Variants in SNRPN observed in about 807,000 individuals in gnomAD.
SNRPN encodes small nuclear ribonucleoprotein polypeptide N.
In SNRPN, 7 loss-of-function variants were observed where a neutral mutation model predicts 25.2. That is an observed-to-expected ratio of 0.28 (90% CI 0.16 to 0.52). The LOEUF (loss-of-function observed/expected upper bound fraction) is 0.52, where lower values mean the gene tolerates loss of function less well. Ranked by LOEUF, SNRPN falls within the 20% of genes least tolerant of loss-of-function variation. The pLI is 0.96. For missense variants in SNRPN, 196 were observed against 322.5 expected (o/e 0.61, Z 3.00); for synonymous variants, 124 against 110.6 (o/e 1.12, Z -0.76).
chr15:24,925,615 T>A (rs1225748169), intron 3 of SNRPN, among the ~76,000 whole-genome samples: 7 of 152,144 alleles, frequency 4.6e-5, no homozygotes, highest in Non-Finnish European at 1.0e-4. Flanking sequence ...TTGTTGTTGT[T>A]TAATTAAAAG....
intron 1 of SNRPN, among the ~76,000 whole-genome samples, chr15:24,867,376 G>T (rs1385977907): frequency 3.8e-5 from 5 of 131,490 alleles, no homozygotes; most frequent in Admixed American, 8.0e-5. Context: ...ATTTAAATAA[G>T]TTTTTTTTTT....
intron 2 of SNRPN, among the ~76,000 whole-genome samples, chr15:24,916,238 G>A (rs2059513642): frequency 6.6e-6 from 1 of 152,138 alleles, no homozygotes; most frequent in African/African-American, 2.4e-5. Context: ...GGGATTACAG[G>A]CGTGAGCCAC....
At chr15:24,935,167 G>C (rs568959195) in intron 3 of SNRPN, among the ~76,000 whole-genome samples, 1 of 152,124 alleles carries the variant, frequency 6.6e-6, no homozygotes, top group South Asian at 2.1e-4. Flanking sequence ...AGCTACTCGT[G>C]AGGCTGAGGC....
chr15:24,875,115 A>C (rs1322400760), intron 1 of SNRPN, among the ~76,000 whole-genome samples: 13 of 152,212 alleles, frequency 8.5e-5, no homozygotes, highest in Admixed American at 8.5e-4. Context: ...AATTCCTTAG[A>C]AAACACTGTA....
At chr15:24,915,515 A>G (rs922233792) in intron 2 of SNRPN, among the ~76,000 whole-genome samples, 2 of 152,072 alleles carry the variant, frequency 1.3e-5, no homozygotes, top group Non-Finnish European at 2.9e-5. Context: ...GCCTGAGTAA[A>G]TTTTGGTTAA....
intron 2 of SNRPN, among the ~76,000 whole-genome samples, chr15:24,963,217 T>C (rs2075113082): frequency 1.3e-5 from 2 of 152,250 alleles, no homozygotes; most frequent in African/African-American, 4.8e-5. Context: ...TTTTACAAAG[T>C]GTGCGTGGTG....
chr15:24,902,818 T>A (rs2058550034), intron 2 of SNRPN, among the ~76,000 whole-genome samples: 1 of 152,198 alleles, frequency 6.6e-6, no homozygotes. Flanking sequence ...AAAGGTAGTG[T>A]GGACCCAAAG....
intron 5 of SNRPN, among the ~76,000 whole-genome samples, 195 bp downstream of exon 5, chr15:24,975,704 AC>A (rs2076981929): frequency 6.6e-6 from 1 of 152,212 alleles, no homozygotes; most frequent in East Asian, 1.9e-4. Context: ...AGTTTGTAAA[AC>A]AATCATGGAT....
intron 2 of SNRPN, among the ~76,000 whole-genome samples, chr15:24,963,243 T>G (rs1352005360): frequency 4.6e-5 from 7 of 152,234 alleles, no homozygotes; most frequent in Non-Finnish European, 1.0e-4. Context: ...ACATTATTAT[T>G]GTAATCGTTA....
At chr15:24,909,693 A>G (rs1435116938) in intron 2 of SNRPN, 1 of 1,235,268 alleles carries the variant, frequency 8.1e-7, no homozygotes, top group Non-Finnish European at 1.2e-6. Context: ...AGTGTGTTGT[A>G]TTTATTTTTA....
intron 3 of SNRPN, among the ~76,000 whole-genome samples, chr15:24,969,788 C>A (rs1183311327): frequency 6.6e-6 from 1 of 152,116 alleles, no homozygotes; most frequent in African/African-American, 2.4e-5. Context: ...TACTAGTATT[C>A]CTGTAGAAGA....
chr15:24,961,091 C>T (rs2074725090), intron 1 of SNRPN, among the ~76,000 whole-genome samples: 1 of 151,904 alleles, frequency 6.6e-6, no homozygotes, highest in African/African-American at 2.4e-5. Flanking sequence ...TGATGAAGTC[C>T]ACTTTATTTT....
Position 24,929,752 on chromosome 15 carries a change from G to A in SNRPN, c.-391+9628G>A, listed in dbSNP as rs1396417317. On this transcript the variant is annotated intron_variant, in intron 3 of 11. Transcript: ENST00000400097. This position sits in a 1 kb window ranked among gnomAD's most constrained non-coding sequence, Gnocchi z 5.3. ...TGAATGGTAGACAGCATGAGAGCAG[G>A]GTCCATGTGATGATTTTTCTGTCAG... Among the ~76,000 whole-genome samples, 1 of 152,002 alleles carries A rather than the reference G, an allele frequency of 6.6e-6. No homozygotes were observed. Among genetic ancestry groups the A allele is most frequent in the East Asian group, 1.9e-4 (1 of 5,184 alleles).
chr15:24,915,936 C>T (rs1264017772), intron 2 of SNRPN, among the ~76,000 whole-genome samples: 1 of 149,538 alleles, frequency 6.7e-6, no homozygotes. Flanking sequence ...TGATTATATA[C>T]ACACATTGTG....
At chr15:24,967,734 G>A (rs1218282099) in intron 2 of SNRPN, among the ~76,000 whole-genome samples, 198 bp from the exon 3 acceptor site, 9 of 148,236 alleles carry the variant, frequency 6.1e-5, no homozygotes, top group Non-Finnish European at 1.2e-4. Flanking sequence ...CTTGAACCCC[G>A]AAGGCAGTGT....
At chr15:24,880,001 C>T (rs1443598458) in intron 1 of SNRPN, among the ~76,000 whole-genome samples, 1 of 152,160 alleles carries the variant, frequency 6.6e-6, no homozygotes, top group Non-Finnish European at 1.5e-5. Flanking sequence ...TCCCAAGCAT[C>T]TTTCCTTCCA....
chr15:24,907,760 A>G (rs2058926225), intron 2 of SNRPN, among the ~76,000 whole-genome samples: 1 of 151,916 alleles, frequency 6.6e-6, no homozygotes, highest in African/African-American at 2.4e-5. Flanking sequence ...CACTACCTTG[A>G]AAGCACAGAG....
intron 2 of SNRPN, chr15:24,886,660 T>G (rs2057227445): frequency 4.8e-3 from 1 of 208 alleles, no homozygotes; most frequent in Admixed American, 0.12. Context: ...GCTTTACCAT[T>G]TTCTTCAGGG....
rs769853992 is a variant in SNRPN, at chr15:24,976,417, G to A, written c.267+1G>A. The A allele has an allele frequency of 1.9e-6, 3 of 1,594,752 alleles. No individual in the cohort carries two copies. The highest frequency in any genetic ancestry group is 2.6e-6 in the Non-Finnish European group (3 of 1,164,380). ...TGTGGAGGGGCCACCCCCCAAAGAT[G>A]TAAGGAAGATGTAGGGCAGGACAGA... On this transcript the variant is annotated splice_donor_variant, in intron 6 of 9. Coordinates refer to ENST00000390687, the MANE Select transcript of SNRPN (RefSeq NM_003097.6). LOFTEE classifies it high-confidence loss of function.
Sources: gnomAD v4.1 joint callset for allele counts (sites outside exome capture counted in the v4.1 genomes callset) on GRCh38, gnomAD v4.1.1 for gene constraint, Gnocchi (gnomAD v3.1) non-coding constraint, MANE v1.5 for transcripts, NCBI Gene and HGNC (gene_info 2026-07-23, HGNC 2026-07-21) for gene names.